Variants in STAC observed in about 807,000 individuals in gnomAD.
STAC encodes SH3 and cysteine rich domain, also known as SH3 and cysteine-rich domain-containing protein.
Under a neutral mutation model 48.8 loss-of-function variants are expected in STAC, and 43 were observed. The observed-to-expected ratio is 0.88, with a 90% confidence interval of 0.69 to 1.14. The LOEUF (loss-of-function observed/expected upper bound fraction) is 1.14. Among genes scored for constraint, STAC ranks in the 50% most tolerant of loss-of-function variants. The pLI is 0.00. For synonymous variants in STAC, 193 were observed against 179.5 expected (o/e 1.07, Z -0.60); for missense variants, 497 against 504.0 (o/e 0.99, Z 0.13).
chr3:36,410,249 C>T (rs981724387), intron 1 of STAC, among the ~76,000 whole-genome samples: 1 of 152,116 alleles, frequency 6.6e-6, no homozygotes, highest in African/African-American at 2.4e-5. Flanking sequence ...TGTGTGTTCG[C>T]CTGCTCATAT....
chr3:36,468,199 C>T (rs1168539714), intron 2 of STAC, among the ~76,000 whole-genome samples: 1 of 151,956 alleles, frequency 6.6e-6, no homozygotes, highest in Non-Finnish European at 1.5e-5. Context: ...AACTGTGATC[C>T]ACTGTGATCT....
chr3:36,529,076 G>T, intron 10 of STAC, 91 bp downstream of exon 10: 1 of 1,248,190 alleles, frequency 8.0e-7, no homozygotes, highest in Non-Finnish European at 1.1e-6. Flanking sequence ...TGAATGAGTG[G>T]GGTCACATTC....
intron 7 of STAC, among the ~76,000 whole-genome samples, chr3:36,505,097 A>G (rs996232820): frequency 1.3e-5 from 2 of 152,150 alleles, no homozygotes; most frequent in African/African-American, 4.8e-5. Context: ...GAATCTACCT[A>G]ACGGAGTTGT....
At chr3:36,392,905 T>C (rs954353192) in intron 1 of STAC, among the ~76,000 whole-genome samples, 6 of 152,216 alleles carry the variant, frequency 3.9e-5, no homozygotes, top group African/African-American at 9.7e-5. Context: ...ATTCCTGTTG[T>C]ACATAATCCT....
intron 1 of STAC, among the ~76,000 whole-genome samples, chr3:36,415,168 C>A (rs928717632): frequency 1.3e-5 from 2 of 152,196 alleles, no homozygotes; most frequent in Non-Finnish European, 2.9e-5. Flanking sequence ...AAGCTGCGTA[C>A]TGGGAGAACC....
intron 1 of STAC, among the ~76,000 whole-genome samples, chr3:36,397,017 G>A (rs1043782188): frequency 2.0e-5 from 3 of 152,154 alleles, no homozygotes; most frequent in Non-Finnish European, 2.9e-5. Context: ...AAACTAGTTG[G>A]AGTTTTTTGT....
chr3:36,441,695 A>T (rs1696355497), intron 1 of STAC, among the ~76,000 whole-genome samples: 1 of 152,166 alleles, frequency 6.6e-6, no homozygotes, highest in African/African-American at 2.4e-5. Flanking sequence ...TGGTTGCACT[A>T]GTTTACATTC....
chr3:36,385,057 C>G (rs941724069), intron 1 of STAC, among the ~76,000 whole-genome samples: 1 of 152,156 alleles, frequency 6.6e-6, no homozygotes, highest in African/African-American at 2.4e-5. Flanking sequence ...AGGCCATAGG[C>G]TAGAACCACT....
At chr3:36,432,595 G>A (rs902736044) in intron 1 of STAC, among the ~76,000 whole-genome samples, 10 of 152,030 alleles carry the variant, frequency 6.6e-5, no homozygotes, top group South Asian at 2.1e-4. Flanking sequence ...TCAGCTACTC[G>A]GGAGGCCGAG....
intron 1 of STAC, among the ~76,000 whole-genome samples, chr3:36,438,070 T>C (rs953037225): frequency 6.6e-6 from 1 of 151,920 alleles, no homozygotes; most frequent in Non-Finnish European, 1.5e-5. Context: ...CCTGAGTAGC[T>C]GGGATTATAG....
At chr3:36,484,235 T>C (rs1046558746) in intron 3 of STAC, among the ~76,000 whole-genome samples, 5 of 152,172 alleles carry the variant, frequency 3.3e-5, no homozygotes, top group African/African-American at 1.2e-4. Flanking sequence ...CTCCCATCAC[T>C]GACAGTGTAA....
At chr3:36,411,515 A>G (rs1418612826) in intron 1 of STAC, among the ~76,000 whole-genome samples, 1 of 152,200 alleles carries the variant, frequency 6.6e-6, no homozygotes, top group Non-Finnish European at 1.5e-5. Context: ...AGGATCAAAG[A>G]GTGCTGGTGG....
intron 10 of STAC, among the ~76,000 whole-genome samples, chr3:36,543,532 C>A (rs994183558): frequency 6.6e-6 from 1 of 152,134 alleles, no homozygotes; most frequent in Non-Finnish European, 1.5e-5. Flanking sequence ...ATTTCAGAGA[C>A]ACTTCCGAAC....
intron 3 of STAC, among the ~76,000 whole-genome samples, chr3:36,484,492 T>C (rs755961916): frequency 6.6e-6 from 1 of 152,230 alleles, no homozygotes; most frequent in Non-Finnish European, 1.5e-5. Context: ...AAACAGAGAA[T>C]AGAATCCAGA....
intron 1 of STAC, among the ~76,000 whole-genome samples, chr3:36,385,146 G>A (rs1013956537): frequency 6.6e-6 from 1 of 152,022 alleles, no homozygotes; most frequent in Non-Finnish European, 1.5e-5. Context: ...TTAGAATAGT[G>A]TATACATAAA....
At chr3:36,435,767 C>T (rs1234653167) in intron 1 of STAC, among the ~76,000 whole-genome samples, 1 of 152,150 alleles carries the variant, frequency 6.6e-6, no homozygotes, top group African/African-American at 2.4e-5. Context: ...AATTCCTAAA[C>T]CTCTCCTTAC....
chr3:36,515,975 C>CTTTTTTT (rs1203330014), intron 8 of STAC, among the ~76,000 whole-genome samples: 4 of 61,454 alleles, frequency 6.5e-5, no homozygotes, highest in East Asian at 5.7e-4. Flanking sequence ...CATTTTTCTC[C>CTTTTTTT]TTTTTTTTTT....
At chr3:36,447,881 TA>T (rs2125671289) in intron 2 of STAC, among the ~76,000 whole-genome samples, 1 of 152,348 alleles carries the variant, frequency 6.6e-6, no homozygotes, top group South Asian at 2.1e-4. Flanking sequence ...TTGTAAATAA[TA>T]AAATACAAAT....
At chr3:36,428,445 G>T (rs185825074) in intron 1 of STAC, among the ~76,000 whole-genome samples, 1 of 152,228 alleles carries the variant, frequency 6.6e-6, no homozygotes. Flanking sequence ...GTTGAATCTG[G>T]GTGAAGGCTA....
Sources: gnomAD v4.1 joint callset for allele counts (sites outside exome capture counted in the v4.1 genomes callset) on GRCh38, gnomAD v4.1.1 for gene constraint, MANE v1.5 for transcripts, NCBI Gene and HGNC (gene_info 2026-07-23, HGNC 2026-07-21) for gene names.